Variants in BTD observed in about 807,000 individuals in gnomAD.
BTD encodes the protein biocytinase.
BTD carries 13 observed loss-of-function variants against 17.7 expected under a neutral mutation model. The observed-to-expected ratio is 0.74, with a 90% confidence interval of 0.48 to 1.17. The LOEUF (loss-of-function observed/expected upper bound fraction) is 1.17, where lower values mean the gene tolerates loss of function less well. BTD is among the 50% of genes most tolerant of loss of function. The pLI is 0.00. For missense variants in BTD, 674 were observed against 650.4 expected, an observed-to-expected ratio of 1.04 and a Z score of -0.39; for synonymous variants, 240 against 245.2, an observed-to-expected ratio of 0.98 and a Z score of 0.20.
chr3:15,644,992 A>T lies in BTD; in HGVS notation c.1076A>T (p.His359Leu), dbSNP rs763540316. ...TGTGAGAAGGATGCTCAGGAAGTCC[A>T]CTGTGATGAGGCCACCAAGTGGAAC... ...PYCEKDAQEV[H>L]CDEATKWNVN... Residue 359 changes from histidine to leucine, a missense_variant, in exon 4 of 4, where the codon CAC (histidine) becomes CTC (leucine). Transcript: ENST00000643237. 2 of 1,614,216 alleles carry T rather than the reference A, an allele frequency of 1.2e-6. No individual in the cohort carries two copies.
Position 15,652,670 on chromosome 3 carries a change from T to C in BTD, c.*7182T>C, listed in dbSNP as rs2065824246. ...TCCTAGGTTTTGAGGTAATTTATTA[T>C]ACAGCAATAGAAAACTAATACAATA... On this transcript the variant is annotated 3_prime_UTR_variant, in exon 4 of 4. Coordinates refer to ENST00000643237, the MANE Select transcript of BTD (RefSeq NM_001370658.1). Among the ~76,000 whole-genome samples the C allele has an allele frequency of 2.0e-5, 3 of 152,240 alleles. No homozygotes were observed. The highest frequency in any genetic ancestry group is 2.0e-4 in the Admixed American group (3 of 15,286).
exon 4 of BTD, chr3:15,711,280 A>AT: frequency 6.2e-7 from 1 of 1,603,956 alleles, no homozygotes; most frequent in Non-Finnish European, 8.5e-7. Context: ...AAATCCTACA[A>AT]GAATGAATAC....
At position 15,649,361 on chromosome 3, in the gene BTD, T is replaced by C. The variant is rs749116419; in HGVS notation, c.*3873T>C. Among the ~76,000 whole-genome samples, 2 of 152,244 alleles carry C rather than the reference T, an allele frequency of 1.3e-5. No individual in the cohort carries two copies. The highest frequency in any genetic ancestry group is 4.8e-5 in the African/African-American group (2 of 41,476). On this transcript the variant is annotated 3_prime_UTR_variant, in exon 4 of 4. Transcript: ENST00000643237. The stretch of plus-strand genomic sequence containing the variant: ...CACTGCATCATTTGGCACCATCTTA[T>C]TGAGTTACACAGGTCAGCCCTGCTC...
At chr3:15,675,277 AAACAACAAC>A (rs550059526) in intron 3 of BTD, among the ~76,000 whole-genome samples, 5 of 152,092 alleles carry the variant, frequency 3.3e-5, no homozygotes, top group African/African-American at 4.8e-5. Flanking sequence ...TCTCAAAAAC[AAACAACAAC>A]AACAACAACA....
intron 3 of BTD, chr3:15,690,173 C>T (rs1458265665): frequency 2.5e-6 from 4 of 1,608,534 alleles, no homozygotes; most frequent in Non-Finnish European, 3.4e-6. Flanking sequence ...CAAGATCTAA[C>T]AAAGACTGTA....
intron 1 of BTD, among the ~76,000 whole-genome samples, chr3:15,615,777 T>C (rs55967720): frequency 0.032 from 4,832 of 152,272 alleles, 256 homozygotes; most frequent in African/African-American, 0.11. Context: ...TAACATGAAG[T>C]CCATAGTTTA....
chr3:15,673,392 CT>C (rs1376814620), intron 3 of BTD, among the ~76,000 whole-genome samples: 1 of 152,202 alleles, frequency 6.6e-6, no homozygotes, highest in Non-Finnish European at 1.5e-5. Flanking sequence ...CAAATATTCA[CT>C]GAGCCTCCAC....
In BTD at chr3:15,644,306, T is replaced by G. The variant is rs750494564; in HGVS notation, c.400-10T>G. On this transcript the variant is annotated splice_polypyrimidine_tract_variant and intron_variant, in intron 3 of 3. Transcript: ENST00000643237. ...AAAACCTCATTTATTTACACCTTTT[T>G]TTCCTCTAGGTGCTCCAGCGCCTGA... 36 of 1,612,064 alleles carry G rather than the reference T, an allele frequency of 2.2e-5. No individual in the cohort carries two copies. The highest frequency in any genetic ancestry group is 1.2e-4 in the Admixed American group (7 of 59,582).
At chr3:15,636,579 C>T (rs2065355163) in intron 2 of BTD, among the ~76,000 whole-genome samples, 1 of 152,204 alleles carries the variant, frequency 6.6e-6, no homozygotes, top group Admixed American at 6.5e-5. Context: ...CCTGCTGTGC[C>T]TCAACAGGAT....
rs142249642 is a variant in BTD at position 15,645,292 on chromosome 3, C to G, written c.1376C>G (p.Thr459Arg). The change falls in exon 4 of 4, where the codon ACG becomes AGG. Residue 459 changes from threonine to arginine, a missense_variant. Thr to Arg is a moderately conservative substitution (Grantham distance 71, BLOSUM62 -1). Coordinates refer to ENST00000643237, the MANE Select transcript of BTD (RefSeq NM_001370658.1). The part of the protein sequence containing the change: ...DTCGQEITEA[T>R]GIFEFHLWGN... ...TGTGGACAGGAAATCACAGAGGCCA[C>G]GGGGATATTTGAGTTTCACCTGTGG... 1.2e-6 allele frequency: 2 copies of G among 1,614,172 alleles called. No homozygotes were observed. Among genetic ancestry groups the G allele is most frequent in the East Asian group, 2.2e-5 (1 of 44,888 alleles).
chr3:15,718,265 C>T (rs1465288055), intron 4 of BTD, among the ~76,000 whole-genome samples: 1 of 152,190 alleles, frequency 6.6e-6, no homozygotes, highest in Non-Finnish European at 1.5e-5. Context: ...AATGAGATGT[C>T]ATACACCCTT....
chr3:15,680,069 C>G (rs1003352074), intron 3 of BTD, among the ~76,000 whole-genome samples: 15 of 152,070 alleles, frequency 9.9e-5, no homozygotes, highest in Admixed American at 2.0e-4. Context: ...TCCTGGAAAC[C>G]AATCCTCAAC....
At chr3:15,708,196 A>T in intron 3 of BTD, 1 of 999,146 alleles carries the variant, frequency 1.0e-6, no homozygotes, top group Non-Finnish European at 1.4e-6. Flanking sequence ...CCATATACTA[A>T]GTCTTGCGGA....
chr3:15,719,285 G>T (rs933590963), intron 4 of BTD, among the ~76,000 whole-genome samples: 6 of 152,104 alleles, frequency 3.9e-5, no homozygotes, highest in Non-Finnish European at 7.4e-5. Context: ...ACTGAAGTTA[G>T]GTGAGAAAAT....
intron 3 of BTD, chr3:15,695,085 T>C (rs961667436): frequency 6.5e-5 from 63 of 976,246 alleles, no homozygotes; most frequent in Middle Eastern, 2.1e-4. Flanking sequence ...GTGCCTAATA[T>C]GTAAAAACAC....
chr3:15,651,513 G>A lies in BTD; in HGVS notation c.*6025G>A, dbSNP rs1330048173. On this transcript the variant is annotated 3_prime_UTR_variant, in exon 4 of 4. Transcript: ENST00000643237. ...GAAATGGTTACCAGAAGCAGGAGAG[G>A]GAAGCTTATGGAGAGAGCAGGCTGG... 1.3e-5 allele frequency among the ~76,000 whole-genome samples: 2 copies of A among 152,334 alleles called. No individual in the cohort carries two copies. The highest frequency in any genetic ancestry group is 4.1e-4 in the South Asian group (2 of 4,828).
In BTD at chr3:15,670,192, C is replaced by T. The variant is rs182586896; in HGVS notation, c.399+28135C>T. On this transcript the variant is annotated intron_variant, in intron 3 of 3. Coordinates refer to the BTD transcript ENST00000672141. ...TCTTTCCTCTTAGGTTGAATTTCTA[C>T]GTGAATATCAAAGTGCCTTTTTCCT... 1.9e-4 allele frequency: 272 copies of T among 1,462,754 alleles called. 1 individual carries two copies. The African/African-American group carries it at 2.8e-3, about 15-fold the overall frequency. 90.6% of individuals were successfully genotyped at this position (1,462,754 alleles called of 1,614,324 possible).
intron 3 of BTD, among the ~76,000 whole-genome samples, chr3:15,701,227 C>A (rs1439761106): frequency 6.6e-6 from 1 of 152,152 alleles, no homozygotes; most frequent in Non-Finnish European, 1.5e-5. Context: ...TGCTTTAGAC[C>A]TCTTAGAAAT....
rs1386416657 is a variant in BTD at position 15,646,650 on chromosome 3, G to A, written c.*1162G>A. The A allele has an allele frequency of 2.6e-5, 4 of 152,218 alleles. No individual in the cohort carries two copies. The highest frequency in any genetic ancestry group is 4.4e-5 in the Non-Finnish European group (3 of 68,036). The allele number at this position is 152,218 out of a possible 1,614,324, so 9.4% of individuals were successfully genotyped here. ...AAAAAGGATTTTGACTGCATGCCTA[G>A]TAGCTGTTTCAGATCATTTTTTAAG... On this transcript the variant is annotated 3_prime_UTR_variant, in exon 4 of 4. Transcript: ENST00000643237.
Sources: allele counts gnomAD v4.1 joint callset (sites outside exome capture counted in the v4.1 genomes callset), GRCh38; gene constraint gnomAD v4.1.1; transcripts MANE v1.5; gene names NCBI Gene and HGNC (gene_info 2026-07-23, HGNC 2026-07-21).